The following CD163L1 variants were observed in gnomAD, a reference collection of about 807,000 sequenced individuals.
CD163L1 encodes the protein scavenger receptor cysteine-rich type 1 protein M160.
A neutral mutation model predicts 165.4 loss-of-function variants in CD163L1; 124 were observed. The observed-to-expected ratio is 0.75, with a 90% CI of 0.65 to 0.87. The LOEUF is 0.87. Ranked by LOEUF, CD163L1 falls within the 40% of genes least tolerant of loss-of-function variation. CD163L1 has a pLI of 0.00. For missense variants in CD163L1, 1,525 were observed against 1,799.9 expected (o/e 0.85, Z 2.76); for synonymous variants, 585 against 662.2 (o/e 0.88, Z 1.79).
At chr12:7,433,734 AT>A in intron 2 of CD163L1, 40 bp from the exon 3 acceptor site, 1 of 1,455,792 alleles carries the variant, frequency 6.9e-7, no homozygotes, top group Non-Finnish European at 9.4e-7. Context: ...GATGGCAAAG[AT>A]TAGAAGGCAG....
At chr12:7,443,543 GTCT>G (rs929031474) in intron 1 of CD163L1, among the ~76,000 whole-genome samples, 14 of 152,060 alleles carry the variant, frequency 9.2e-5, no homozygotes, top group Admixed American at 1.3e-4. Context: ...TTATCATAAT[GTCT>G]TCTTATTTAT....
chr12:7,376,218 C>CCA (rs1947270588), intron 9 of CD163L1, among the ~76,000 whole-genome samples: 1 of 151,908 alleles, frequency 6.6e-6, no homozygotes, highest in African/African-American at 2.4e-5. Flanking sequence ...TCTTGGTGAC[C>CCA]CACCAATCCT....
chr12:7,434,256 G>T (rs1591970979), intron 2 of CD163L1, among the ~76,000 whole-genome samples: 1 of 152,256 alleles, frequency 6.6e-6, no homozygotes, highest in South Asian at 2.1e-4. Context: ...GTCCATGATT[G>T]TAATATGCTA....
At chr12:7,342,405 CT>C (rs1437399949), downstream of CD163L1, among the ~76,000 whole-genome samples, 4 of 152,204 alleles carry the variant, frequency 2.6e-5, no homozygotes, top group African/African-American at 7.2e-5. Flanking sequence ...ATAAGGAATA[CT>C]TTTAGTTAAT....
chr12:7,421,471 A>ATACATATATGTACATATATACATATATG (rs752874513), intron 4 of CD163L1, among the ~76,000 whole-genome samples: 3 of 124,250 alleles, frequency 2.4e-5, no homozygotes, highest in Admixed American at 8.1e-5. Context: ...ATACATATAT[A>ATACATATATGTACATATATACATATATG]TACATATATG....
chr12:7,417,115 T>A (rs1411375385), intron 4 of CD163L1, among the ~76,000 whole-genome samples: 1 of 152,184 alleles, frequency 6.6e-6, no homozygotes, highest in Non-Finnish European at 1.5e-5. Flanking sequence ...GTAGTTCTCC[T>A]TGAAGAGGTC....
chr12:7,339,677 A>G, the CD163L1 span, among the ~76,000 whole-genome samples: 10 of 151,990 alleles, frequency 6.6e-5, no homozygotes, highest in African/African-American at 2.2e-4. Flanking sequence ...TTCTCTCTAG[A>G]GAGAATATTT....
Position 7,443,984 on chromosome 12 carries a change from C to T in CD163L1, c.31+113G>A, listed in dbSNP as rs931465783. 2.2e-5 allele frequency: 22 copies of T among 991,750 alleles called. No individual in the cohort carries two copies. The Middle Eastern group carries it at 8.7e-4, about 39-fold the overall frequency. 61.4% of individuals were successfully genotyped at this position (991,750 alleles called of 1,614,324 possible). On this transcript the variant is annotated intron_variant, in intron 1 of 19. Coordinates refer to ENST00000313599, the MANE Select transcript of CD163L1 (RefSeq NM_174941.6). ...TTCAATTTTTTTATATTTCTCATGT[C>T]CTGTTTTCTTTTTACCTTACTACAT...
chr12:7,368,967 TGAGAGAGAGAGA>T lies in CD163L1; in HGVS notation c.4040-14_4040-3del. ...CATTCAGTGATTTCAGCGACTGTCC[TGAGAGAGAGAGA>T]GAGAGAGAGAGACGTAAATGAACGA... On this transcript the variant is annotated splice_region_variant and splice_polypyrimidine_tract_variant and intron_variant, in intron 15 of 19. Coordinates refer to ENST00000313599, the MANE Select transcript of CD163L1 (RefSeq NM_174941.6). The surrounding 1 kb of genome is among the most constrained non-coding windows in gnomAD (Gnocchi z 4.3). 2 of 1,541,874 alleles carry T rather than the reference TGAGAGAGAGAGA, an allele frequency of 1.3e-6. No individual in the cohort carries two copies. The highest frequency in any genetic ancestry group is 8.9e-7 in the Non-Finnish European group (1 of 1,123,556).
chr12:7,440,057 G>C lies in CD163L1; in HGVS notation c.124+1097C>G. On this transcript the variant is annotated intron_variant, in intron 2 of 19. Transcript: ENST00000313599. ...ACACCCCAGCAGCTCCTCGCGTTCC[G>C]CGCTCCGCCCTACTCCACATCAGCG... The C allele has an allele frequency of 3.4e-6, 4 of 1,177,530 alleles. No individual in the cohort carries two copies. The Admixed American group carries it at 5.9e-5, about 18-fold the overall frequency. The allele number at this position is 1,177,530 out of a possible 1,614,324, so 72.9% of individuals were successfully genotyped here. A position where few individuals can be genotyped will look rare whatever the true frequency, so the allele number is the denominator to read the frequency against.
At position 7,368,934 on chromosome 12, in the gene CD163L1, T is replaced by C. The variant is rs1394850917; in HGVS notation, c.4071A>G (p.Ser1357=). The stretch of plus-strand genomic sequence containing the variant: ...GCACTGATAGGCAGAAGACTATACC[T>C]GAGGAGGCATTCAGTGATTTCAGCG... ...GQSLKSLNAS[S]GHLALILSSI... is the part of the protein sequence containing the mutation. The change falls in exon 16 of 20, where the codon TCA becomes TCG. Residue 1357 remains serine (S), a splice_region_variant and synonymous_variant. Transcript: ENST00000313599. The surrounding 1 kb of genome is among the most constrained non-coding windows in gnomAD (Gnocchi z 4.3). 1.9e-6 allele frequency: 3 copies of C among 1,613,616 alleles called. 1 individual carries two copies. The South Asian group carries it at 3.3e-5, about 18-fold the overall frequency.
At chr12:7,338,399 G>C in the CD163L1 span, among the ~76,000 whole-genome samples, 203 of 152,294 alleles carry the variant, frequency 1.3e-3, no homozygotes, top group Middle Eastern at 0.01. Flanking sequence ...ATACACAGGA[G>C]ATATTCCTGA....
chr12:7,352,778 T>G (rs12814885), downstream of CD163L1, among the ~76,000 whole-genome samples: 9,256 of 152,112 alleles, frequency 0.061, 374 homozygotes, highest in East Asian at 0.16. Context: ...ATAGATGTAG[T>G]CCAGGCAAGT....
At chr12:7,365,123 T>C (rs1222861876) in intron 18 of CD163L1, among the ~76,000 whole-genome samples, 2 of 152,032 alleles carry the variant, frequency 1.3e-5, no homozygotes, top group Non-Finnish European at 2.9e-5. Context: ...CATGCATTTA[T>C]AGCCAAGCCA....
At chr12:7,353,220 G>A (rs1399153852), downstream of CD163L1, among the ~76,000 whole-genome samples, 1 of 151,816 alleles carries the variant, frequency 6.6e-6, no homozygotes, top group African/African-American at 2.4e-5. Context: ...TAAAATTCCA[G>A]AAGAGAAAAA....
chr12:7,435,407 C>A (rs1948702123), intron 2 of CD163L1, among the ~76,000 whole-genome samples: 1 of 151,274 alleles, frequency 6.6e-6, no homozygotes, highest in Non-Finnish European at 1.5e-5. Flanking sequence ...GCAAAATGGG[C>A]AAATGAGTTG....
downstream of CD163L1, among the ~76,000 whole-genome samples, chr12:7,352,596 G>A (rs758049732): frequency 7.9e-5 from 12 of 152,244 alleles, no homozygotes; most frequent in East Asian, 1.7e-3. Context: ...AGAGGATGAA[G>A]CTTTACTGGT....
At chr12:7,438,743 A>T in intron 2 of CD163L1, 1 of 1,203,632 alleles carries the variant, frequency 8.3e-7, no homozygotes, top group Non-Finnish European at 1.2e-6. Flanking sequence ...TTGGCCACTC[A>T]ACACGGGTTT....
intron 9 of CD163L1, among the ~76,000 whole-genome samples, chr12:7,377,433 CA>C (rs988326143): frequency 1.3e-5 from 2 of 152,122 alleles, no homozygotes; most frequent in Non-Finnish European, 1.5e-5. Context: ...AATCTCCTAT[CA>C]ATAAAAAAAA....
Sources: gnomAD v4.1 joint callset for allele counts (sites outside exome capture counted in the v4.1 genomes callset) on GRCh38, gnomAD v4.1.1 for gene constraint, Gnocchi (gnomAD v3.1) non-coding constraint, MANE v1.5 for transcripts, NCBI Gene and HGNC (gene_info 2026-07-23, HGNC 2026-07-21) for gene names.